Variants in TMEM108 observed in about 807,000 individuals in gnomAD.
TMEM108 encodes cancer/testis antigen 124.
A neutral mutation model predicts 35.1 loss-of-function variants in TMEM108; 12 were observed. The ratio of observed to expected loss-of-function variants is 0.34; its 90% CI spans 0.22 to 0.55. The LOEUF (loss-of-function observed/expected upper bound fraction) is 0.55. Ranked by LOEUF, TMEM108 falls within the 20% of genes least tolerant of loss-of-function variation. The pLI, the probability that TMEM108 is intolerant of heterozygous loss-of-function variation, is 0.89. For missense variants in TMEM108, 680 were observed against 753.3 expected (o/e 0.90, Z 1.14); for synonymous variants, 287 against 308.6 (o/e 0.93, Z 0.73).
At chr3:133,163,933 G>A (rs1408246089) in intron 2 of TMEM108, among the ~76,000 whole-genome samples, 1 of 152,164 alleles carries the variant, frequency 6.6e-6, no homozygotes. Flanking sequence ...ACAGCTACTT[G>A]TCTCAGTCTC....
intron 3 of TMEM108, among the ~76,000 whole-genome samples, chr3:133,360,341 T>A (rs1361569704): frequency 6.6e-6 from 1 of 152,200 alleles, no homozygotes; most frequent in East Asian, 1.9e-4. Flanking sequence ...TTTTATTGTA[T>A]GTAAATCATA....
chr3:133,083,359 T>C (rs1174123424), intron 2 of TMEM108, among the ~76,000 whole-genome samples: 1 of 152,140 alleles, frequency 6.6e-6, no homozygotes, highest in Non-Finnish European at 1.5e-5. Context: ...AATAAATGGA[T>C]TGAGACAGAT....
At chr3:133,096,518 T>C (rs1411183412) in intron 2 of TMEM108, among the ~76,000 whole-genome samples, 4 of 152,178 alleles carry the variant, frequency 2.6e-5, no homozygotes, top group Admixed American at 2.6e-4. Context: ...TCTCTACTAA[T>C]TGATCAGCAC....
intron 3 of TMEM108, among the ~76,000 whole-genome samples, chr3:133,316,592 G>T (rs1366410266): frequency 6.6e-6 from 1 of 152,216 alleles, no homozygotes; most frequent in Non-Finnish European, 1.5e-5. Flanking sequence ...AGAGGAGAAA[G>T]ATTTAAAAAC....
chr3:133,210,667 A>C (rs1035470875), intron 2 of TMEM108, among the ~76,000 whole-genome samples: 5 of 152,234 alleles, frequency 3.3e-5, no homozygotes, highest in Non-Finnish European at 5.9e-5. Flanking sequence ...TTCCTGGAGC[A>C]AGACATAAAG....
chr3:133,108,697 TG>T (rs1944188832), intron 2 of TMEM108, among the ~76,000 whole-genome samples: 1 of 151,996 alleles, frequency 6.6e-6, no homozygotes, highest in African/African-American at 2.4e-5. Flanking sequence ...GGGACATGGA[TG>T]AAACTGGAAA....
chr3:133,112,962 A>C (rs1944244053), intron 2 of TMEM108, among the ~76,000 whole-genome samples: 1 of 152,196 alleles, frequency 6.6e-6, no homozygotes, highest in Non-Finnish European at 1.5e-5. Flanking sequence ...AAAGAAACCT[A>C]ATAAAAATGG....
chr3:133,174,789 G>A (rs1412832484), intron 2 of TMEM108, among the ~76,000 whole-genome samples: 4 of 152,184 alleles, frequency 2.6e-5, no homozygotes, highest in East Asian at 1.9e-4. Context: ...CCAAAGGAAC[G>A]CAGCTCCTCA....
intron 2 of TMEM108, among the ~76,000 whole-genome samples, chr3:133,069,916 A>G (rs1211677913): frequency 2.0e-5 from 3 of 152,118 alleles, no homozygotes; most frequent in Non-Finnish European, 2.9e-5. Flanking sequence ...TTCATTTAAT[A>G]TATCCTATTT....
chr3:133,387,005 C>G, intron 4 of TMEM108: 1 of 985,516 alleles, frequency 1.0e-6, no homozygotes, highest in Non-Finnish European at 1.2e-6. Context: ...TAGTAGAGAC[C>G]CTGTAAGTCT....
chr3:133,313,356 C>A (rs1417613353), intron 3 of TMEM108, among the ~76,000 whole-genome samples: 2 of 152,076 alleles, frequency 1.3e-5, no homozygotes, highest in Non-Finnish European at 2.9e-5. Flanking sequence ...CACCACCACG[C>A]CTGGCTAATT....
intron 3 of TMEM108, among the ~76,000 whole-genome samples, chr3:133,285,095 T>C (rs1385217481): frequency 6.6e-6 from 1 of 152,244 alleles, no homozygotes; most frequent in African/African-American, 2.4e-5. Flanking sequence ...CTGAATTGTT[T>C]TGTAAAATAT....
chr3:133,076,254 CTAA>C (rs1239378589), intron 2 of TMEM108, among the ~76,000 whole-genome samples: 1 of 152,012 alleles, frequency 6.6e-6, no homozygotes, highest in Non-Finnish European at 1.5e-5. Flanking sequence ...GGTCGTGACC[CTAA>C]TAATAGTAAT....
chr3:133,319,279 A>G (rs1320443552), intron 3 of TMEM108, among the ~76,000 whole-genome samples: 1 of 152,194 alleles, frequency 6.6e-6, no homozygotes, highest in Non-Finnish European at 1.5e-5. Flanking sequence ...CACGAAAGAC[A>G]TAAACTCTTG....
chr3:133,120,394 A>G (rs917326105), intron 2 of TMEM108, among the ~76,000 whole-genome samples: 2 of 152,198 alleles, frequency 1.3e-5, no homozygotes, highest in African/African-American at 4.8e-5. Flanking sequence ...GTGCCTCTGT[A>G]CATTTCACAT....
At chr3:133,050,431 C>T (rs1381470964) in intron 2 of TMEM108, among the ~76,000 whole-genome samples, 2 of 152,120 alleles carry the variant, frequency 1.3e-5, no homozygotes, top group Admixed American at 1.3e-4. Flanking sequence ...ACTCCCTATA[C>T]ATGCATGGCC....
intron 3 of TMEM108, among the ~76,000 whole-genome samples, chr3:133,265,203 A>G (rs572381825): frequency 2.6e-5 from 4 of 152,354 alleles, no homozygotes; most frequent in Admixed American, 2.0e-4. Context: ...GACGTAGGCA[A>G]GACAGGATCC....
At chr3:133,309,197 C>T (rs546397098) in intron 3 of TMEM108, among the ~76,000 whole-genome samples, 3 of 152,230 alleles carry the variant, frequency 2.0e-5, no homozygotes, top group South Asian at 2.1e-4. Flanking sequence ...TCTGTGGGAT[C>T]GGTGGTGATA....
intron 2 of TMEM108, among the ~76,000 whole-genome samples, chr3:133,148,699 A>C (rs1363819949): frequency 6.6e-6 from 1 of 152,186 alleles, no homozygotes; most frequent in Non-Finnish European, 1.5e-5. Context: ...GGTTTAAAAA[A>C]AAAATCCAAA....
Sources: allele counts gnomAD v4.1 joint callset (sites outside exome capture counted in the v4.1 genomes callset), GRCh38; gene constraint gnomAD v4.1.1; transcripts MANE v1.5; gene names NCBI Gene and HGNC (gene_info 2026-07-23, HGNC 2026-07-21).